NCKAP5: variants seen among roughly 807,000 people sequenced by gnomAD.
The protein encoded by NCKAP5 is NCK associated protein 5, also known as nck-associated protein 5.
NCKAP5 carries 92 observed loss-of-function variants against 167.0 expected under a neutral mutation model. The ratio of observed to expected loss-of-function variants is 0.55; its 90% confidence interval spans 0.47 to 0.66. The LOEUF is 0.66. NCKAP5 is among the 30% of genes least tolerant of loss of function. NCKAP5 has a pLI of 0.00. For missense variants in NCKAP5, 2,378 were observed against 2,315.0 expected, an observed-to-expected ratio of 1.03 and a Z score of -0.56; for synonymous variants, 891 against 877.4, an observed-to-expected ratio of 1.02 and a Z score of -0.27.
At chr2:133,115,775 GTATATATATATATATATATATA>G (rs10683280) in intron 6 of NCKAP5, among the ~76,000 whole-genome samples, 6,602 of 94,388 alleles carry the variant, frequency 0.07, 638 homozygotes, top group African/African-American at 0.21. Flanking sequence ...ATGTGTGTGT[GTATATATATATATATATATATA>G]TATATATATA....
At chr2:133,555,581 T>C (rs1250207445) in intron 2 of NCKAP5, among the ~76,000 whole-genome samples, 1 of 152,236 alleles carries the variant, frequency 6.6e-6, no homozygotes, top group Non-Finnish European at 1.5e-5. Context: ...TTCCTAATAT[T>C]AGACCACAGT....
intron 3 of NCKAP5, among the ~76,000 whole-genome samples, chr2:133,472,328 T>C (rs1348205588): frequency 6.6e-6 from 1 of 152,186 alleles, no homozygotes; most frequent in Admixed American, 6.5e-5. Flanking sequence ...TAAATTATCT[T>C]GTATCTAGTA....
chr2:133,209,953 T>A (rs993499388), intron 5 of NCKAP5, among the ~76,000 whole-genome samples: 2 of 151,926 alleles, frequency 1.3e-5, no homozygotes, highest in Non-Finnish European at 2.9e-5. Flanking sequence ...TTACCTGAGG[T>A]CAGGAGTTCG....
chr2:133,392,864 C>G (rs900343905), intron 3 of NCKAP5, among the ~76,000 whole-genome samples: 6 of 152,124 alleles, frequency 3.9e-5, no homozygotes, highest in African/African-American at 1.4e-4. Context: ...GTAGAGGGAT[C>G]ATGTGTATTA....
chr2:133,090,979 A>G (rs35516467), intron 6 of NCKAP5, among the ~76,000 whole-genome samples: 39,372 of 151,724 alleles, frequency 0.26, 5,573 homozygotes, highest in Non-Finnish European at 0.32. Flanking sequence ...TGGATCATGG[A>G]GGTAGATATC....
intron 5 of NCKAP5, among the ~76,000 whole-genome samples, chr2:133,141,818 T>C (rs1050441619): frequency 2.0e-5 from 3 of 152,286 alleles, no homozygotes; most frequent in East Asian, 1.9e-4. Context: ...TCGTAGATTA[T>C]ATGAGAAACC....
At chr2:133,055,767 A>T (rs2079777671) in intron 6 of NCKAP5, among the ~76,000 whole-genome samples, 1 of 152,086 alleles carries the variant, frequency 6.6e-6, no homozygotes, top group Non-Finnish European at 1.5e-5. Context: ...GAGCTGTAGG[A>T]AAACATGACT....
intron 8 of NCKAP5, among the ~76,000 whole-genome samples, chr2:132,940,524 A>G (rs1697215487): frequency 6.6e-6 from 1 of 152,174 alleles, no homozygotes; most frequent in Non-Finnish European, 1.5e-5. Flanking sequence ...GCAAAAAGTA[A>G]TATAGAAACT....
At chr2:132,742,786 A>G (rs1679316676) in intron 16 of NCKAP5, among the ~76,000 whole-genome samples, 2 of 151,952 alleles carry the variant, frequency 1.3e-5, no homozygotes, top group Admixed American at 6.6e-5. Context: ...GATTTTAATT[A>G]TTATAAGATA....
intron 3 of NCKAP5, among the ~76,000 whole-genome samples, chr2:133,516,447 T>C (rs1684005986): frequency 6.6e-6 from 1 of 152,160 alleles, no homozygotes; most frequent in South Asian, 2.1e-4. Context: ...CAGACATTGA[T>C]TCTGACTAAG....
intron 19 of NCKAP5, among the ~76,000 whole-genome samples, chr2:132,725,042 C>A (rs1690314017): frequency 6.6e-6 from 1 of 152,156 alleles, no homozygotes; most frequent in Non-Finnish European, 1.5e-5. Context: ...AAAAGCAGAG[C>A]CCAGATCACA....
chr2:132,731,442 T>C (rs895979034), intron 17 of NCKAP5, among the ~76,000 whole-genome samples: 12 of 152,250 alleles, frequency 7.9e-5, no homozygotes, highest in Non-Finnish European at 1.5e-4. Flanking sequence ...TTAAGTTTTA[T>C]AGGATAAAAC....
At chr2:133,530,553 G>A (rs1352851925) in intron 2 of NCKAP5, among the ~76,000 whole-genome samples, 1 of 152,096 alleles carries the variant, frequency 6.6e-6, no homozygotes, top group Non-Finnish European at 1.5e-5. Context: ...TCCATTCAGC[G>A]ACATGAAATG....
intron 1 of NCKAP5, among the ~76,000 whole-genome samples, chr2:133,560,898 T>C (rs1020273603): frequency 6.6e-6 from 1 of 152,200 alleles, no homozygotes; most frequent in African/African-American, 2.4e-5. Flanking sequence ...CTCAGCCATG[T>C]TCAACAGTCA....
chr2:133,393,140 G>A (rs370631647), intron 3 of NCKAP5, among the ~76,000 whole-genome samples: 1 of 152,320 alleles, frequency 6.6e-6, no homozygotes, highest in South Asian at 2.1e-4. Flanking sequence ...TACCAGAGAT[G>A]TGACTGAGTA....
chr2:132,948,288 A>C (rs556915470), intron 8 of NCKAP5, among the ~76,000 whole-genome samples: 97 of 152,122 alleles, frequency 6.4e-4, no homozygotes, highest in Non-Finnish European at 1.2e-3. Context: ...AAGCTTGGCT[A>C]TATGTGGATT....
At chr2:133,636,369 T>A in the NCKAP5 span, among the ~76,000 whole-genome samples, 3 of 151,834 alleles carry the variant, frequency 2.0e-5, no homozygotes, top group African/African-American at 7.3e-5. Flanking sequence ...GCAAAAACAG[T>A]AAGAAAAACC....
chr2:133,588,488 T>C, the NCKAP5 span, among the ~76,000 whole-genome samples: 1 of 136,066 alleles, frequency 7.3e-6, no homozygotes, highest in Non-Finnish European at 1.5e-5. Flanking sequence ...CTTCCCTCCC[T>C]CCCTCTCTTC....
intron 15 of NCKAP5, among the ~76,000 whole-genome samples, chr2:132,779,082 A>T (rs1167914909): frequency 6.6e-6 from 1 of 152,202 alleles, no homozygotes; most frequent in Non-Finnish European, 1.5e-5. Flanking sequence ...AAAAATCATC[A>T]TATGGATTAT....
Sources: gnomAD v4.1 joint callset for allele counts (sites outside exome capture counted in the v4.1 genomes callset) on GRCh38, gnomAD v4.1.1 for gene constraint, MANE v1.5 for transcripts, NCBI Gene and HGNC (gene_info 2026-07-23, HGNC 2026-07-21) for gene names.